The following MYO9A variants were observed in gnomAD, a reference collection of about 807,000 sequenced individuals.
The protein encoded by MYO9A is unconventional myosin-IXa.
A neutral mutation model predicts 293.3 loss-of-function variants in MYO9A; 103 were observed. The ratio of observed to expected loss-of-function variants is 0.35; its 90% CI spans 0.30 to 0.41. The LOEUF is 0.41. MYO9A is among the 10% of genes least tolerant of loss of function. The pLI is 1.00. For missense variants in MYO9A, 2,685 were observed against 3,033.0 expected (o/e 0.89, Z 2.69); for synonymous variants, 1,001 against 1,035.7 (o/e 0.97, Z 0.64).
At chr15:72,010,306 T>C (rs1168142258) in intron 7 of MYO9A, 44 bp downstream of exon 7, 2 of 1,510,134 alleles carry the variant, frequency 1.3e-6, no homozygotes, top group African/African-American at 1.4e-5. Context: ...AGACATATCA[T>C]GTGTTCTCTA....
At chr15:72,079,898 A>G (rs1245588543) in intron 1 of MYO9A, among the ~76,000 whole-genome samples, 1 of 152,212 alleles carries the variant, frequency 6.6e-6, no homozygotes, top group African/African-American at 2.4e-5. Context: ...GTATTTCTGC[A>G]CCTGTATTTA....
At chr15:72,059,310 A>C (rs1351881494) in intron 1 of MYO9A, among the ~76,000 whole-genome samples, 2 of 152,222 alleles carry the variant, frequency 1.3e-5, no homozygotes, top group East Asian at 3.9e-4. Flanking sequence ...CTGAAAAATA[A>C]AATGTGCAAG....
intron 19 of MYO9A, among the ~76,000 whole-genome samples, chr15:71,914,140 C>T (rs951412105): frequency 4.6e-5 from 7 of 152,104 alleles, no homozygotes; most frequent in African/African-American, 1.7e-4. Flanking sequence ...ATTCTAGTTG[C>T]CTCTACCTTT....
At chr15:72,062,511 T>C (rs2078906290) in intron 1 of MYO9A, among the ~76,000 whole-genome samples, 3 of 152,144 alleles carry the variant, frequency 2.0e-5, no homozygotes, top group Admixed American at 2.0e-4. Flanking sequence ...AAATAATTTT[T>C]AGAAATCAAA....
intron 16 of MYO9A, among the ~76,000 whole-genome samples, chr15:71,937,230 A>T (rs2145951730): frequency 6.6e-6 from 1 of 152,276 alleles, no homozygotes; most frequent in Non-Finnish European, 1.5e-5. Flanking sequence ...GCAGGGTTTG[A>T]GAGGATTGAC....
At chr15:71,847,194 G>C (rs1240381646) in intron 39 of MYO9A, among the ~76,000 whole-genome samples, 1 of 152,140 alleles carries the variant, frequency 6.6e-6, no homozygotes, top group Non-Finnish European at 1.5e-5. Context: ...TATTTTAAAT[G>C]GATGCTGTTC....
At chr15:71,973,603 G>A (rs2076067171) in intron 12 of MYO9A, among the ~76,000 whole-genome samples, 1 of 152,080 alleles carries the variant, frequency 6.6e-6, no homozygotes, top group South Asian at 2.1e-4. Flanking sequence ...TGGAAAGGGG[G>A]ATTGCCCAAC....
rs1031188376 is a variant in MYO9A, at chr15:71,825,599, A to G, written c.*981T>C. 2 of 151,348 alleles carry G rather than the reference A, an allele frequency of 1.3e-5. No individual in the cohort carries two copies. Among genetic ancestry groups the G allele is most frequent in the African/African-American group, 4.9e-5 (2 of 41,222 alleles). 9.4% of individuals were successfully genotyped at this position (151,348 alleles called of 1,614,324 possible). A position where few individuals can be genotyped will look rare whatever the true frequency, so the allele number is the denominator to read the frequency against. ...TTTTGGAAACTAACTAAACGGTCACATTATTTGTTTGTTTGTTTGAGTCTG... is the reference window on the plus strand; with the variant it reads ...TTTTGGAAACTAACTAAACGGTCACGTTATTTGTTTGTTTGTTTGAGTCTG... On this transcript the variant is annotated 3_prime_UTR_variant, in exon 42 of 42. Coordinates refer to ENST00000356056, the MANE Select transcript of MYO9A (RefSeq NM_006901.4).
intron 1 of MYO9A, among the ~76,000 whole-genome samples, chr15:72,114,081 A>G (rs1212473813): frequency 6.6e-6 from 1 of 152,178 alleles, no homozygotes; most frequent in Non-Finnish European, 1.5e-5. Context: ...CAGCTTTATT[A>G]GGTTCTTGTT....
At chr15:71,849,154 T>TAAAG (rs912292894) in intron 38 of MYO9A, among the ~76,000 whole-genome samples, 186 bp from the exon 39 acceptor site, 5 of 152,190 alleles carry the variant, frequency 3.3e-5, no homozygotes, top group African/African-American at 1.2e-4. Context: ...AGAAGCCATC[T>TAAAG]AAAGAGCAGT....
chr15:72,116,741 A>T (rs1415055379), intron 1 of MYO9A: 1 of 152,234 alleles, frequency 6.6e-6, no homozygotes, highest in Non-Finnish European at 1.5e-5. Context: ...AGTTATATCC[A>T]CTAGTGCAAC....
At chr15:72,077,040 T>A (rs79362611) in intron 1 of MYO9A, among the ~76,000 whole-genome samples, 2 of 137,676 alleles carry the variant, frequency 1.5e-5, no homozygotes, top group Non-Finnish European at 3.2e-5. Context: ...AAAAAAAAAA[T>A]CTCAACACAG....
chr15:71,927,004 G>A (rs1393492697), intron 18 of MYO9A, among the ~76,000 whole-genome samples: 1 of 152,004 alleles, frequency 6.6e-6, no homozygotes, highest in Non-Finnish European at 1.5e-5. Context: ...CTGGGTAAGA[G>A]TACAAATCCA....
At chr15:72,107,773 T>C (rs1416575161) in intron 1 of MYO9A, among the ~76,000 whole-genome samples, 3 of 141,852 alleles carry the variant, frequency 2.1e-5, no homozygotes, top group African/African-American at 8.0e-5. Flanking sequence ...GCTCCCACTG[T>C]CCTTATTTGA....
chr15:71,853,979 G>A (rs1331788484), intron 35 of MYO9A, among the ~76,000 whole-genome samples: 1 of 152,170 alleles, frequency 6.6e-6, no homozygotes, highest in African/African-American at 2.4e-5. Flanking sequence ...TTCTGTAAAT[G>A]GGGATAATAA....
At chr15:71,934,786 C>CTTTTT (rs1167613386) in intron 17 of MYO9A, among the ~76,000 whole-genome samples, 1,142 of 61,538 alleles carry the variant, frequency 0.019, no homozygotes, top group African/African-American at 0.029. Flanking sequence ...CTTTTCTTTT[C>CTTTTT]TTTTTTTTTT....
chr15:71,893,488 G>T, intron 26 of MYO9A, 191 bp downstream of exon 26: 2 of 606,570 alleles, frequency 3.3e-6, no homozygotes, highest in Non-Finnish European at 2.8e-6. Flanking sequence ...TAGCAACTGG[G>T]TTTTTAGGCA....
intron 19 of MYO9A, among the ~76,000 whole-genome samples, chr15:71,905,321 T>C (rs2057599573): frequency 6.6e-6 from 1 of 152,218 alleles, no homozygotes; most frequent in African/African-American, 2.4e-5. Flanking sequence ...AACTCATGTA[T>C]CCTACAACTT....
At chr15:71,897,310 G>T in intron 25 of MYO9A, 151 bp downstream of exon 25, 1 of 802,252 alleles carries the variant, frequency 1.2e-6, no homozygotes, top group Non-Finnish European at 2.0e-6. Flanking sequence ...TTCAGGTGAT[G>T]GTAGAGTCAA....
Sources: gnomAD v4.1 joint callset for allele counts (sites outside exome capture counted in the v4.1 genomes callset) on GRCh38, gnomAD v4.1.1 for gene constraint, MANE v1.5 for transcripts, NCBI Gene and HGNC (gene_info 2026-07-23, HGNC 2026-07-21) for gene names.